Variants in PHF8 observed in about 807,000 individuals in gnomAD.
PHF8 encodes histone lysine demethylase PHF8.
Under a neutral mutation model 74.4 loss-of-function variants are expected in PHF8, and 9 were observed. The ratio of observed to expected loss-of-function variants is 0.12; its 90% CI spans 0.07 to 0.21. The LOEUF (loss-of-function observed/expected upper bound fraction) is 0.21. PHF8 is among the 10% of genes least tolerant of loss of function. The pLI, the probability that PHF8 is intolerant of heterozygous loss-of-function variation, is 1.00. For synonymous variants in PHF8, 311 were observed against 316.6 expected, an observed-to-expected ratio of 0.98 and a Z score of 0.19; for missense variants, 478 against 816.6, an observed-to-expected ratio of 0.59 and a Z score of 5.05.
At chrX:54,021,468 T>A (rs1324865669) in intron 4 of PHF8, among the ~76,000 whole-genome samples, 8 of 77,144 alleles carry the variant, frequency 1.0e-4, no homozygotes, top group African/African-American at 3.7e-4. Context: ...TTTTTTTTTT[T>A]TTTTTTTTTT....
chrX:54,021,043 C>T (rs1244023710), intron 4 of PHF8, among the ~76,000 whole-genome samples: 1 of 111,917 alleles, frequency 8.9e-6, no homozygotes. Flanking sequence ...AACTAGGTGC[C>T]CATCAACAGT....
At chrX:54,039,314 T>C (rs1234099172) in intron 2 of PHF8, among the ~76,000 whole-genome samples, 3 of 111,672 alleles carry the variant, frequency 2.7e-5, no homozygotes, top group African/African-American at 9.8e-5. Context: ...ATAAGCCTGG[T>C]GTGTTTCTGT....
At chrX:53,972,151 C>T (rs1310946041) in intron 18 of PHF8, among the ~76,000 whole-genome samples, 2 of 108,968 alleles carry the variant, frequency 1.8e-5, no homozygotes, top group African/African-American at 6.7e-5. Flanking sequence ...GGTGAAACCC[C>T]GTCTCTACTA....
intron 18 of PHF8, among the ~76,000 whole-genome samples, chrX:53,967,344 C>T (rs1171005845): frequency 4.9e-5 from 5 of 101,758 alleles, no homozygotes; most frequent in Non-Finnish European, 6.1e-5. Context: ...CCCGGCCAGC[C>T]GCCCCGTCCG....
chrX:54,010,968 G>A (rs781992456), intron 8 of PHF8, among the ~76,000 whole-genome samples, 154 bp downstream of exon 8: 3 of 111,381 alleles, frequency 2.7e-5, no homozygotes, highest in African/African-American at 9.8e-5. Flanking sequence ...GCTGCCCACT[G>A]ACTACCACAT....
At chrX:53,989,000 C>T (rs1168094274) in intron 14 of PHF8, among the ~76,000 whole-genome samples, 4 of 105,122 alleles carry the variant, frequency 3.8e-5, no homozygotes, top group Non-Finnish European at 5.8e-5. Flanking sequence ...CTTGCTCTGT[C>T]GCCCAGGCTG....
chrX:53,973,733 G>A (rs2065330158), intron 18 of PHF8, among the ~76,000 whole-genome samples: 1 of 111,485 alleles, frequency 9.0e-6, no homozygotes, highest in African/African-American at 3.3e-5. Context: ...CATAGGCACA[G>A]GCAAAGATTT....
upstream of PHF8, chrX:54,044,478 G>A: frequency 1.4e-6 from 1 of 721,321 alleles, no homozygotes; most frequent in South Asian, 7.0e-5. Context: ...CGCGAGGTGA[G>A]CGCGGCGGAG....
intron 4 of PHF8, among the ~76,000 whole-genome samples, chrX:54,020,142 C>T (rs980737378): frequency 2.7e-5 from 3 of 112,010 alleles, no homozygotes; most frequent in Non-Finnish European, 3.8e-5. Flanking sequence ...GCCGAGATCA[C>T]GCCATTGCAC....
rs782579990 is a variant in PHF8 at position 54,023,841 on chromosome X, CAAAAAAAAAAAAA to C, written c.99-1011_99-999del. Among the ~76,000 whole-genome samples, 149 of 39,194 alleles carry C rather than the reference CAAAAAAAAAAAAA, an allele frequency of 3.8e-3. 2 individuals carry two copies. The South Asian group carries it at 0.071, about 19-fold the overall frequency. 34.0% of individuals were successfully genotyped at this position (39,194 alleles called of 115,157 possible). A position where few individuals can be genotyped will look rare whatever the true frequency, so the allele number is the denominator to read the frequency against. On this transcript the variant is annotated intron_variant, in intron 2 of 21. Coordinates refer to ENST00000338154, the MANE Select transcript of PHF8 (RefSeq NM_015107.3). ...GGGTGACAGAACAAGACCCTGTCTC[CAAAAAAAAAAAAA>C]AAAAAAAAAAGAAGACCCAAGTCTT...
chrX:53,978,594 C>G (rs187913134), intron 18 of PHF8, among the ~76,000 whole-genome samples: 1 of 108,050 alleles, frequency 9.3e-6, no homozygotes, highest in Non-Finnish European at 1.9e-5. Context: ...GTCAGGAGAT[C>G]GAGACCAGTC....
At chrX:53,980,315 A>C (rs1275867149) in intron 18 of PHF8, among the ~76,000 whole-genome samples, 1 of 111,377 alleles carries the variant, frequency 9.0e-6, no homozygotes, top group Non-Finnish European at 1.9e-5. Flanking sequence ...CCATTAGAGT[A>C]GGCCCTAAAC....
chrX:54,043,055 C>A (rs2066591014), intron 1 of PHF8: 1 of 544,373 alleles, frequency 1.8e-6, no homozygotes, highest in South Asian at 8.7e-5. Context: ...CCCCACCCCC[C>A]ACCTTCTTCG....
At chrX:54,014,826 A>G (rs782754170) in intron 6 of PHF8, among the ~76,000 whole-genome samples, 19 of 111,459 alleles carry the variant, frequency 1.7e-4, no homozygotes, top group Non-Finnish European at 2.8e-4. Context: ...CTAAATGCTC[A>G]TACTCCCCAG....
intron 2 of PHF8, among the ~76,000 whole-genome samples, chrX:54,031,436 G>A (rs868995057): frequency 9.2e-6 from 1 of 108,425 alleles, no homozygotes. Context: ...AGGACTTAAA[G>A]GAATGCAAAG....
chrX:53,938,093 A>G lies in PHF8; in HGVS notation c.*1065T>C, dbSNP rs2064694127. On this transcript the variant is annotated 3_prime_UTR_variant, in exon 22 of 22. Transcript: ENST00000338154. ...GCAAAGGCCCAGGAGTGAAGATGTG[A>G]GTCCTGAGGTCTTCTTCAGACCAAG... 4.3e-6 allele frequency: 5 copies of G among 1,154,010 alleles called. No homozygotes were observed. The South Asian group carries it at 9.7e-5, about 22-fold the overall frequency.
Position 54,002,208 on chromosome X carries a change from T to C in PHF8, c.1088A>G (p.Asn363Ser), listed in dbSNP as rs1557104376. 2.5e-6 allele frequency: 3 copies of C among 1,204,092 alleles called. No homozygotes were observed. The highest frequency in any genetic ancestry group is 1.8e-5 in the South Asian group (1 of 56,760). Reference sequence around the variant, plus strand: ...CACATACCAACAGATGGTCTCAAAGTTGGGGAATCTGAAGAGGTCTGCTGT... The same window carrying C: ...CACATACCAACAGATGGTCTCAAAGCTGGGGAATCTGAAGAGGTCTGCTGT... ...LSTADLFRFPNFETICWYVGK... is the reference protein window; with the variant it reads ...LSTADLFRFPSFETICWYVGK... Residue 363 changes from asparagine (N) to serine (S), a missense_variant, in exon 10 of 22, where the codon AAC becomes AGC. This residue lies in a region of PHF8 where 70 missense variants were observed against 234.1 expected (regional missense o/e 0.30). Transcript: ENST00000338154.
intron 8 of PHF8, among the ~76,000 whole-genome samples, chrX:54,002,956 G>A (rs1199313268): frequency 8.9e-6 from 1 of 111,855 alleles, no homozygotes; most frequent in Non-Finnish European, 1.9e-5. Context: ...ATACAGTGGA[G>A]TTTTCCAGGA....
At chrX:53,942,287 AC>A (rs1164250389) in intron 20 of PHF8, among the ~76,000 whole-genome samples, 1 of 111,953 alleles carries the variant, frequency 8.9e-6, no homozygotes, top group Non-Finnish European at 1.9e-5. Flanking sequence ...TTACTCCATA[AC>A]AACTGCCATT....
Sources: gnomAD v4.1 joint callset for allele counts (sites outside exome capture counted in the v4.1 genomes callset) on GRCh38, gnomAD v4.1.1 for gene constraint, gnomAD v4.1.1 regional missense constraint, MANE v1.5 for transcripts, NCBI Gene and HGNC (gene_info 2026-07-23, HGNC 2026-07-21) for gene names.